Variants in PRDM1 observed in about 807,000 individuals in gnomAD.
PRDM1 encodes PR/SET domain 1, also known as PR domain zinc finger protein 1.
PRDM1 carries 13 observed loss-of-function variants against 62.8 expected under a neutral mutation model. The observed-to-expected ratio is 0.21, with a 90% confidence interval of 0.13 to 0.33. PRDM1 has a LOEUF of 0.33. Ranked by LOEUF, PRDM1 falls within the 10% of genes least tolerant of loss-of-function variation. The pLI, the probability that PRDM1 is intolerant of heterozygous loss-of-function variation, is 1.00. For synonymous variants in PRDM1, 396 were observed against 417.6 expected (o/e 0.95, Z 0.63); for missense variants, 895 against 1,058.8 (o/e 0.85, Z 2.15).
rs1369082955 is a variant in PRDM1, at chr6:106,108,989, T to C, written c.*1503T>C. 1.8e-5 allele frequency: 4 copies of C among 219,510 alleles called. No homozygotes were observed. The highest frequency in any genetic ancestry group is 3.6e-5 in the Non-Finnish European group (4 of 109,814). The allele number at this position is 219,510 out of a possible 1,614,324, so 13.6% of individuals were successfully genotyped here. On this transcript the variant is annotated 3_prime_UTR_variant, in exon 7 of 7. Transcript: ENST00000369096. ...GTTCAAAGTGTAGCAAAAAATGATG[T>C]ATATTTATAAATCTATTTATACCAC...
At chr6:106,007,007 G>A (rs1406732354) in intron 1 of PRDM1, among the ~76,000 whole-genome samples, 1 of 151,892 alleles carries the variant, frequency 6.6e-6, no homozygotes, top group Admixed American at 6.6e-5. Context: ...CATCCCCATT[G>A]TATTTCATTG....
At chr6:106,065,279 T>C (rs1485079042) in intron 1 of PRDM1, among the ~76,000 whole-genome samples, 1 of 152,134 alleles carries the variant, frequency 6.6e-6, no homozygotes. Context: ...ACTACAGACA[T>C]GTGCCACCAC....
upstream of PRDM1, among the ~76,000 whole-genome samples, chr6:105,993,350 G>A (rs1447929586): frequency 1.3e-5 from 2 of 152,170 alleles, no homozygotes; most frequent in Non-Finnish European, 2.9e-5. Context: ...AGGAGAACTG[G>A]TTTAAGCCAC....
chr6:106,076,392 T>G (rs1183170566), intron 1 of PRDM1, among the ~76,000 whole-genome samples: 1 of 151,978 alleles, frequency 6.6e-6, no homozygotes, highest in African/African-American at 2.4e-5. Flanking sequence ...GAATTTAGAG[T>G]GATAGTGCCT....
intron 1 of PRDM1, among the ~76,000 whole-genome samples, chr6:106,062,807 G>C (rs886274909): frequency 1.3e-5 from 2 of 152,136 alleles, no homozygotes; most frequent in Admixed American, 6.5e-5. Context: ...GTTCTCTTCT[G>C]GTTGCTGATA....
At position 106,105,649 on chromosome 6, in the gene PRDM1, T is replaced by G; in HGVS notation, c.1489T>G (p.Ser497Ala). ...TGTCCCGGCGCCCCACAGTGCCTTC[T>G]CCTTTACCGGGGCCGCCGCCAGCAT... ...VLVPAPHSAFSFTGAAASMKD... is the reference protein window; with the variant it reads ...VLVPAPHSAFAFTGAAASMKD... Residue 497 changes from serine (S) to alanine (A), a missense_variant, in exon 5 of 7, where the codon TCC (serine) becomes GCC (alanine). Coordinates refer to ENST00000369096, the MANE Select transcript of PRDM1 (RefSeq NM_001198.4). 2 of 1,612,662 alleles carry G rather than the reference T, an allele frequency of 1.2e-6. No homozygotes were observed. The highest frequency in any genetic ancestry group is 1.7e-6 in the Non-Finnish European group (2 of 1,179,002).
In PRDM1 at chr6:106,106,889, G is replaced by A; in HGVS notation, c.1903-22G>A. On this transcript the variant is annotated intron_variant, in intron 6 of 6. Transcript: ENST00000369096. The surrounding 1 kb of genome is among the most constrained non-coding windows in gnomAD (Gnocchi z 4.4). ...GGCCTTCCTGTCTCCCTTCCCTGCT[G>A]TCTCTCTCCCCTACACTGTAGGTCT... 1 of 1,589,502 alleles carries A rather than the reference G, an allele frequency of 6.3e-7. No homozygotes were observed. The highest frequency in any genetic ancestry group is 8.6e-7 in the Non-Finnish European group (1 of 1,162,970).
In PRDM1 at chr6:106,105,546, C is replaced by T. The variant is rs1403321521; in HGVS notation, c.1386C>T (p.Asn462=). Residue 462 remains asparagine, a synonymous_variant, in exon 5 of 7, where the codon AAC becomes AAT. Transcript: ENST00000369096. ...GGGSLPHPML[N]PTSLPSSLPS... ...GCAGCCTGCCCCACCCCATGCTCAA[C>T]CCCACTTCTCTCCCGAGCTCGCTGC... The T allele has an allele frequency of 4.3e-6, 7 of 1,612,928 alleles. No individual in the cohort carries two copies. Among genetic ancestry groups the T allele is most frequent in the Non-Finnish European group, 5.1e-6 (6 of 1,179,188 alleles).
intron 4 of PRDM1, among the ~76,000 whole-genome samples, chr6:106,102,872 A>G (rs1774314539): frequency 6.6e-6 from 1 of 152,234 alleles, no homozygotes; most frequent in Admixed American, 6.5e-5. Context: ...ATTTGACCCT[A>G]TATAGATGTT....
At chr6:106,094,429 T>C (rs1046119649) in intron 2 of PRDM1, among the ~76,000 whole-genome samples, 3 of 152,224 alleles carry the variant, frequency 2.0e-5, no homozygotes, top group African/African-American at 7.2e-5. Context: ...TGCTTCCTGA[T>C]TCACGGTTGG....
chr6:106,086,224 G>C (rs566770585), upstream of PRDM1: 3 of 370,288 alleles, frequency 8.1e-6, no homozygotes, highest in Non-Finnish European at 9.7e-6. Flanking sequence ...CTAGCAATCT[G>C]GGGGAAAGCC....
chr6:105,999,012 A>G (rs1375655583), intron 1 of PRDM1, among the ~76,000 whole-genome samples: 1 of 147,216 alleles, frequency 6.8e-6, no homozygotes. Context: ...ATCTCGGTTT[A>G]TTGCAGCCTC....
At chr6:105,992,713 A>C (rs1772294149), upstream of PRDM1, among the ~76,000 whole-genome samples, 1 of 152,044 alleles carries the variant, frequency 6.6e-6, no homozygotes, top group African/African-American at 2.4e-5. Flanking sequence ...GGCTGTTACC[A>C]CCTAAACGCC....
chr6:106,036,151 GT>G (rs1772922963), intron 1 of PRDM1, among the ~76,000 whole-genome samples: 1 of 151,966 alleles, frequency 6.6e-6, no homozygotes, highest in Admixed American at 6.6e-5. Flanking sequence ...GAATTTAGTT[GT>G]TTTTTGTTTT....
At chr6:106,082,472 A>T (rs1457861370), upstream of PRDM1, among the ~76,000 whole-genome samples, 1 of 152,214 alleles carries the variant, frequency 6.6e-6, no homozygotes, top group Non-Finnish European at 1.5e-5. Context: ...TTAAAAAATA[A>T]TTTTAAAATC....
At chr6:106,057,528 T>A (rs1340885047) in intron 1 of PRDM1, among the ~76,000 whole-genome samples, 1 of 152,178 alleles carries the variant, frequency 6.6e-6, no homozygotes, top group Non-Finnish European at 1.5e-5. Context: ...ATATATTTGT[T>A]GGGGTATTTT....
intron 1 of PRDM1, among the ~76,000 whole-genome samples, chr6:106,003,165 A>G (rs1444302346): frequency 6.6e-6 from 1 of 152,220 alleles, no homozygotes; most frequent in Non-Finnish European, 1.5e-5. Flanking sequence ...AAGCATGCAT[A>G]TTATGAATAA....
upstream of PRDM1, among the ~76,000 whole-genome samples, chr6:106,044,274 A>C (rs1773042997): frequency 6.8e-6 from 1 of 148,142 alleles, no homozygotes; most frequent in Non-Finnish European, 1.5e-5. Context: ...CAAGACTCTT[A>C]ATTCCATTTC....
intron 1 of PRDM1, among the ~76,000 whole-genome samples, chr6:106,061,508 A>T (rs2114592944): frequency 6.6e-6 from 1 of 152,340 alleles, no homozygotes; most frequent in Non-Finnish European, 1.5e-5. Context: ...TGCAGTGGGC[A>T]TGATAATCAC....
Sources: gnomAD v4.1 joint callset for allele counts (sites outside exome capture counted in the v4.1 genomes callset) on GRCh38, gnomAD v4.1.1 for gene constraint, Gnocchi (gnomAD v3.1) non-coding constraint, MANE v1.5 for transcripts, NCBI Gene and HGNC (gene_info 2026-07-23, HGNC 2026-07-21) for gene names.